The following CXADR variants were observed in gnomAD, a reference collection of about 807,000 sequenced individuals.
CXADR encodes the protein CXADR cell adhesion molecule, also known as coxsackievirus and adenovirus receptor.
CXADR carries 20 observed loss-of-function variants against 40.3 expected under a neutral mutation model. The ratio of observed to expected loss-of-function variants is 0.50; its 90% CI spans 0.35 to 0.72. The LOEUF (loss-of-function observed/expected upper bound fraction) is 0.72, where lower values mean the gene tolerates loss of function less well. Among genes scored for constraint, CXADR ranks in the 30% least tolerant of loss-of-function variants. CXADR has a pLI of 0.01. For missense variants in CXADR, 332 were observed against 449.1 expected (o/e 0.74, Z 2.36); for synonymous variants, 150 against 161.3 (o/e 0.93, Z 0.53).
At chr21:17,518,662 C>CT (rs2123105081) in intron 1 of CXADR, 8 of 1,609,974 alleles carry the variant, frequency 5.0e-6, no homozygotes, top group Middle Eastern at 2.1e-4. Context: ...CTTCCTAAGG[C>CT]TTGTTAAACT....
chr21:17,563,296 T>A (rs551442180), intron 6 of CXADR, among the ~76,000 whole-genome samples: 3 of 152,238 alleles, frequency 2.0e-5, no homozygotes, highest in Middle Eastern at 3.4e-3. Context: ...GATATTTTTT[T>A]AAAAAGTAGA....
chr21:17,575,774 A>G (rs1341644537), intron 7 of CXADR, among the ~76,000 whole-genome samples: 1 of 150,008 alleles, frequency 6.7e-6, no homozygotes, highest in Non-Finnish European at 1.5e-5. Context: ...ATTAATTTGT[A>G]AAATTTTTAA....
At chr21:17,531,069 G>T (rs1286923451) in intron 1 of CXADR, among the ~76,000 whole-genome samples, 1 of 152,130 alleles carries the variant, frequency 6.6e-6, no homozygotes, top group Non-Finnish European at 1.5e-5. Context: ...GGAGGTCGAG[G>T]TGGGTGGATC....
chr21:17,568,493 C>G lies in CXADR; in HGVS notation c.*2801C>G. 1.0e-6 allele frequency: 1 copy of G among 960,478 alleles called. No individual in the cohort carries two copies. The highest frequency in any genetic ancestry group is 1.2e-6 in the Non-Finnish European group (1 of 821,786). The allele number at this position is 960,478 out of a possible 1,614,324, so 59.5% of individuals were successfully genotyped here. A position where few individuals can be genotyped will look rare whatever the true frequency, so the allele number is the denominator to read the frequency against. On this transcript the variant is annotated 3_prime_UTR_variant, in exon 7 of 7. Transcript: ENST00000284878. ...TATAACTGAGAGACTTGATACCATC[C>G]ATCTCTTTAGGTTACAGAGGATAAT...
chr21:17,522,315 AT>A (rs58201483), intron 1 of CXADR, among the ~76,000 whole-genome samples: 17,276 of 151,774 alleles, frequency 0.11, 1,249 homozygotes, highest in African/African-American at 0.2. Flanking sequence ...CGCCTGGGTA[AT>A]TTTGTATTTT....
In CXADR at chr21:17,565,957, A is replaced by T. The variant is rs1417370220; in HGVS notation, c.*265A>T. ...GATTATAAAGTTTTCTAAATTTATC[A>T]GTACCTAAGTAAGATGTAGCGCTTT... On this transcript the variant is annotated 3_prime_UTR_variant, in exon 7 of 7. Coordinates refer to ENST00000284878, the MANE Select transcript of CXADR (RefSeq NM_001338.5). The T allele has an allele frequency of 9.0e-7, 1 of 1,108,538 alleles. No homozygotes were observed. The highest frequency in any genetic ancestry group is 1.6e-5 in the African/African-American group (1 of 61,412). 68.7% of individuals were successfully genotyped at this position (1,108,538 alleles called of 1,614,324 possible). A position where few individuals can be genotyped will look rare whatever the true frequency, so the allele number is the denominator to read the frequency against.
intron 6 of CXADR, among the ~76,000 whole-genome samples, chr21:17,562,380 G>A (rs1041069465): frequency 6.6e-6 from 1 of 152,316 alleles, no homozygotes. Flanking sequence ...GGAGTGGAGT[G>A]ATACAATTAT....
intron 1 of CXADR, among the ~76,000 whole-genome samples, chr21:17,538,168 A>C (rs1335239199): frequency 3.3e-5 from 5 of 150,188 alleles, no homozygotes; most frequent in African/African-American, 1.2e-4. Flanking sequence ...CGTCCGGCTA[A>C]TTTTTATATT....
At chr21:17,580,097 T>A (rs1184715474) in intron 7 of CXADR, among the ~76,000 whole-genome samples, 2 of 152,154 alleles carry the variant, frequency 1.3e-5, no homozygotes, top group African/African-American at 4.8e-5. Context: ...GCTGGGATTA[T>A]AGGCATGAGC....
intron 2 of CXADR, among the ~76,000 whole-genome samples, chr21:17,549,684 G>A (rs1408635511): frequency 6.6e-6 from 1 of 152,138 alleles, no homozygotes; most frequent in African/African-American, 2.4e-5. Flanking sequence ...AAGACACTAA[G>A]CTAGCTTATA....
At chr21:17,573,026 A>G (rs981732848), downstream of CXADR, among the ~76,000 whole-genome samples, 6 of 152,172 alleles carry the variant, frequency 3.9e-5, no homozygotes, top group African/African-American at 1.4e-4. Flanking sequence ...GAAATGTGTT[A>G]TAGTTCTGGA....
At chr21:17,544,619 C>T (rs1047280817) in intron 1 of CXADR, among the ~76,000 whole-genome samples, 1 of 152,070 alleles carries the variant, frequency 6.6e-6, no homozygotes, top group African/African-American at 2.4e-5. Context: ...GGCCGGTGAC[C>T]GAGGAGGCAA....
chr21:17,562,386 A>G (rs996722310), intron 6 of CXADR, among the ~76,000 whole-genome samples: 2 of 152,174 alleles, frequency 1.3e-5, no homozygotes, highest in African/African-American at 4.8e-5. Context: ...GAGTGATACA[A>G]TTATGGCCCA....
chr21:17,563,865 C>T (rs868582902), intron 6 of CXADR, among the ~76,000 whole-genome samples: 4 of 134,672 alleles, frequency 3.0e-5, no homozygotes, highest in East Asian at 2.3e-4. Context: ...GGCGTGAACC[C>T]GGGAGGTGGA....
At chr21:17,551,724 C>T (rs1015047575) in intron 2 of CXADR, 25 bp from the exon 3 acceptor site, 16 of 1,577,956 alleles carry the variant, frequency 1.0e-5, no homozygotes, top group African/African-American at 1.4e-5. Context: ...GTTTTTCCTC[C>T]TGTCTAATTT....
downstream of CXADR, among the ~76,000 whole-genome samples, chr21:17,572,858 A>C (rs1188143522): frequency 6.6e-6 from 1 of 152,214 alleles, no homozygotes. Flanking sequence ...TACCGAAAAC[A>C]ATTTCTTAGA....
At chr21:17,631,658 G>C in the CXADR span, among the ~76,000 whole-genome samples, 1 of 152,186 alleles carries the variant, frequency 6.6e-6, no homozygotes, top group African/African-American at 2.4e-5. Flanking sequence ...GACCTGGTGA[G>C]ATTAACATGA....
At chr21:17,617,135 C>T in the CXADR span, among the ~76,000 whole-genome samples, 1 of 152,144 alleles carries the variant, frequency 6.6e-6, no homozygotes, top group African/African-American at 2.4e-5. Flanking sequence ...TTTGATCAAA[C>T]TTTTCATATT....
chr21:17,522,274 G>A (rs769998793), intron 1 of CXADR, among the ~76,000 whole-genome samples: 12 of 151,770 alleles, frequency 7.9e-5, no homozygotes, highest in Non-Finnish European at 1.8e-4. Context: ...TCAGCCTCCC[G>A]AGTAGCTGGG....
Sources: gnomAD v4.1 joint callset for allele counts (sites outside exome capture counted in the v4.1 genomes callset) on GRCh38, gnomAD v4.1.1 for gene constraint, MANE v1.5 for transcripts, NCBI Gene and HGNC (gene_info 2026-07-23, HGNC 2026-07-21) for gene names.